LTBP1: variants seen among roughly 807,000 people sequenced by gnomAD.
LTBP1 encodes the protein latent-transforming growth factor beta-binding protein 1.
LTBP1 carries 129 observed loss-of-function variants against 207.6 expected under a neutral mutation model. The ratio of observed to expected loss-of-function variants is 0.62; its 90% confidence interval spans 0.54 to 0.72. The LOEUF is 0.72. Ranked by LOEUF, LTBP1 falls within the 30% of genes least tolerant of loss-of-function variation. The pLI is 0.00. For synonymous variants in LTBP1, 963 were observed against 833.7 expected (o/e 1.16, Z -2.67); for missense variants, 2,281 against 2,217.2 (o/e 1.03, Z -0.58).
At chr2:33,101,796 T>C (rs762120317) in intron 3 of LTBP1, among the ~76,000 whole-genome samples, 1 of 152,222 alleles carries the variant, frequency 6.6e-6, no homozygotes, top group Non-Finnish European at 1.5e-5. Flanking sequence ...ATGTAGTAGC[T>C]CGTTTTTTGA....
At chr2:33,080,167 C>T (rs560930949) in intron 3 of LTBP1, among the ~76,000 whole-genome samples, 30 of 152,206 alleles carry the variant, frequency 2.0e-4, no homozygotes, top group African/African-American at 6.7e-4. Context: ...GCTGGGCTTA[C>T]AGGTGTGTGC....
chr2:33,379,055 A>G (rs1299498231), intron 31 of LTBP1, among the ~76,000 whole-genome samples: 1 of 152,136 alleles, frequency 6.6e-6, no homozygotes, highest in African/African-American at 2.4e-5. Context: ...TTCTGACACA[A>G]CAAAGCCTTC....
At chr2:33,289,456 C>T (rs1370807857) in intron 19 of LTBP1, among the ~76,000 whole-genome samples, 2 of 152,122 alleles carry the variant, frequency 1.3e-5, no homozygotes, top group East Asian at 1.9e-4. Flanking sequence ...AACTCCTGGG[C>T]TCCAGTGATT....
intron 5 of LTBP1, among the ~76,000 whole-genome samples, chr2:33,144,259 C>A (rs1244763224): frequency 2.0e-5 from 3 of 152,174 alleles, no homozygotes; most frequent in Admixed American, 2.0e-4. Context: ...CACTTTGGTG[C>A]TCCGGTAGGA....
intron 24 of LTBP1, among the ~76,000 whole-genome samples, chr2:33,334,254 A>AGGT (rs2094529566): frequency 6.6e-6 from 1 of 152,238 alleles, no homozygotes; most frequent in Non-Finnish European, 1.5e-5. Context: ...GAGGGAAAGA[A>AGGT]GGTGATGCAG....
At chr2:33,163,070 C>A (rs2084598466) in intron 5 of LTBP1, among the ~76,000 whole-genome samples, 1 of 152,176 alleles carries the variant, frequency 6.6e-6, no homozygotes, top group Non-Finnish European at 1.5e-5. Flanking sequence ...CAACTTCTGC[C>A]CCCTGGGCTC....
Position 33,179,731 on chromosome 2 carries a change from C to T in LTBP1, c.1202-7125C>T, listed in dbSNP as rs145007213. On this transcript the variant is annotated intron_variant, in intron 5 of 33. Transcript: ENST00000404816. ...GGTTTAAAAACCCAAAGCCAAGTGTCCAGTGCACATTGAAAGCGTATCCAA... is the reference window on the plus strand; with the variant it reads ...GGTTTAAAAACCCAAAGCCAAGTGTTCAGTGCACATTGAAAGCGTATCCAA... Among the ~76,000 whole-genome samples the T allele has an allele frequency of 5.7e-4, 86 of 152,188 alleles. 1 individual carries two copies. Among genetic ancestry groups the T allele is most frequent in the African/African-American group, 2.0e-3 (82 of 41,460 alleles).
At chr2:32,971,251 G>T (rs1680838011) in intron 2 of LTBP1, among the ~76,000 whole-genome samples, 2 of 152,128 alleles carry the variant, frequency 1.3e-5, no homozygotes, top group Non-Finnish European at 2.9e-5. Flanking sequence ...GAGAGAGTTT[G>T]ACTTCCCCTC....
chr2:33,274,729 C>G (rs1016600146), intron 16 of LTBP1, among the ~76,000 whole-genome samples: 1 of 152,150 alleles, frequency 6.6e-6, no homozygotes, highest in Admixed American at 6.5e-5. Context: ...CTTTGAAACA[C>G]CAGTGTCATG....
At chr2:33,086,705 T>G (rs2078773092) in intron 3 of LTBP1, among the ~76,000 whole-genome samples, 1 of 152,212 alleles carries the variant, frequency 6.6e-6, no homozygotes. Flanking sequence ...TTATCTTTAA[T>G]ACAATTGTTA....
At chr2:33,003,324 G>A (rs899214764) in intron 2 of LTBP1, among the ~76,000 whole-genome samples, 1 of 152,180 alleles carries the variant, frequency 6.6e-6, no homozygotes, top group South Asian at 2.1e-4. Flanking sequence ...TTCACTCCCT[G>A]CTTTGCTCCC....
intron 22 of LTBP1, among the ~76,000 whole-genome samples, chr2:33,309,175 C>T (rs532218604): frequency 2.0e-5 from 3 of 150,890 alleles, no homozygotes; most frequent in South Asian, 4.2e-4. Context: ...CCCAACTACT[C>T]GGGAGGCTGA....
chr2:33,353,311 C>T (rs981699356), intron 26 of LTBP1, among the ~76,000 whole-genome samples: 7 of 152,094 alleles, frequency 4.6e-5, no homozygotes, highest in Admixed American at 1.3e-4. Flanking sequence ...ATCTCTCAAG[C>T]CTTTTTAAAA....
At chr2:33,103,618 TGTGTGTGTGA>T (rs1485774169) in intron 3 of LTBP1, among the ~76,000 whole-genome samples, 86 of 142,188 alleles carry the variant, frequency 6.0e-4, no homozygotes, top group African/African-American at 1.6e-3. Context: ...TGTGTGTGTG[TGTGTGTGTGA>T]GTGTTATGCT....
chr2:33,355,313 C>G (rs2094844349), intron 26 of LTBP1, among the ~76,000 whole-genome samples: 1 of 151,960 alleles, frequency 6.6e-6, no homozygotes, highest in Non-Finnish European at 1.5e-5. Flanking sequence ...GGGCTTAGTT[C>G]CAGGGCCCCC....
intron 3 of LTBP1, among the ~76,000 whole-genome samples, chr2:33,065,822 T>C (rs1054553232): frequency 4.6e-5 from 7 of 152,200 alleles, no homozygotes; most frequent in Admixed American, 1.3e-4. Context: ...GGTGAACATA[T>C]GGTCTTGGTC....
chr2:33,153,711 T>A (rs2083724175), intron 5 of LTBP1, among the ~76,000 whole-genome samples: 1 of 152,240 alleles, frequency 6.6e-6, no homozygotes, highest in South Asian at 2.1e-4. Context: ...CAATTCCTGG[T>A]AAATTCTAAG....
rs373772738 is a variant in LTBP1 at position 33,040,405 on chromosome 2, G to A, written c.863+19199G>A. Reference sequence around the variant, plus strand: ...ACATACCTGCATTCTGCGCATATGTGTACATGCATAGAATAATATTTCTTT... The same window carrying A: ...ACATACCTGCATTCTGCGCATATGTATACATGCATAGAATAATATTTCTTT... On this transcript the variant is annotated intron_variant, in intron 3 of 33. Coordinates refer to ENST00000404816, the MANE Select transcript of LTBP1 (RefSeq NM_206943.4). Among the ~76,000 whole-genome samples the A allele has an allele frequency of 2.6e-5, 4 of 152,298 alleles. No individual in the cohort carries two copies. The South Asian group carries it at 8.3e-4, about 32-fold the overall frequency.
rs1285334420 is a variant in LTBP1 at position 33,186,846 on chromosome 2, TC to T, written c.1202-7del. On this transcript the variant is annotated splice_polypyrimidine_tract_variant and intron_variant, in intron 5 of 33. Transcript: ENST00000404816. Reference sequence around the variant, plus strand: ...AACCAACTCTCCATGTTTTCTCTTTTCCCTTTTAGTAATTTGCCATCTTCCA... The same window carrying T: ...AACCAACTCTCCATGTTTTCTCTTTTCCTTTTAGTAATTTGCCATCTTCCA... 6.2e-7 allele frequency: 1 copy of T among 1,609,106 alleles called. No individual in the cohort carries two copies. The highest frequency in any genetic ancestry group is 8.5e-7 in the Non-Finnish European group (1 of 1,175,468).
Sources: allele counts gnomAD v4.1 joint callset (sites outside exome capture counted in the v4.1 genomes callset), GRCh38; gene constraint gnomAD v4.1.1; transcripts MANE v1.5; gene names NCBI Gene and HGNC (gene_info 2026-07-23, HGNC 2026-07-21).